The following GLRA1 variants were observed in gnomAD, a reference collection of about 807,000 sequenced individuals.
The protein encoded by GLRA1 is glycine receptor subunit alpha-1.
Under a neutral mutation model 48.3 loss-of-function variants are expected in GLRA1, and 37 were observed. The observed-to-expected ratio is 0.77, with a 90% CI of 0.59 to 1.01. The LOEUF is 1.01. Among genes scored for constraint, GLRA1 ranks in the 50% least tolerant of loss-of-function variants. GLRA1 has a pLI of 0.00. For missense variants in GLRA1, 427 were observed against 571.0 expected (o/e 0.75, Z 2.57); for synonymous variants, 196 against 210.7 (o/e 0.93, Z 0.60).
At chr5:151,830,995 A>C (rs1370543443) in intron 7 of GLRA1, among the ~76,000 whole-genome samples, 3 of 152,204 alleles carry the variant, frequency 2.0e-5, no homozygotes, top group Non-Finnish European at 2.9e-5. Flanking sequence ...AGCCCACAGA[A>C]GGTGAGCTGA....
chr5:151,823,699 C>T (rs1235073420), intron 8 of GLRA1, among the ~76,000 whole-genome samples: 1 of 152,212 alleles, frequency 6.6e-6, no homozygotes, highest in Non-Finnish European at 1.5e-5. Context: ...CTCCAACTTA[C>T]CTTTCCAGGC....
chr5:151,836,649 G>T (rs571281990), intron 7 of GLRA1, among the ~76,000 whole-genome samples: 2 of 152,114 alleles, frequency 1.3e-5, no homozygotes, highest in African/African-American at 4.8e-5. Flanking sequence ...CAGAAATAAC[G>T]CCACATAACT....
intron 1 of GLRA1, among the ~76,000 whole-genome samples, chr5:151,909,089 G>T (rs1754546557): frequency 6.6e-6 from 1 of 152,080 alleles, no homozygotes; most frequent in Non-Finnish European, 1.5e-5. Flanking sequence ...AAAGTTTCTG[G>T]CATATAGTAG....
chr5:151,852,253 G>C (rs1267902081), intron 6 of GLRA1, among the ~76,000 whole-genome samples: 1 of 152,012 alleles, frequency 6.6e-6, no homozygotes, highest in Non-Finnish European at 1.5e-5. Context: ...TTTTGATCTT[G>C]CTCATCCCTT....
intron 3 of GLRA1, among the ~76,000 whole-genome samples, chr5:151,861,608 T>A (rs981205919): frequency 6.6e-5 from 10 of 152,036 alleles, no homozygotes; most frequent in Non-Finnish European, 1.3e-4. Context: ...GTTTGAGTTC[T>A]TTGTAGATTC....
At chr5:151,844,619 C>A (rs372816886) in intron 7 of GLRA1, among the ~76,000 whole-genome samples, 1 of 36,350 alleles carries the variant, frequency 2.8e-5, no homozygotes, top group Non-Finnish European at 5.6e-5. Flanking sequence ...AGTACTCTAT[C>A]TCAAAAAAAA....
At chr5:151,921,613 C>T (rs1374775959) in intron 1 of GLRA1, among the ~76,000 whole-genome samples, 2 of 152,168 alleles carry the variant, frequency 1.3e-5, no homozygotes, top group East Asian at 3.9e-4. Flanking sequence ...CTGGGCCTGA[C>T]CCAGCCATAA....
At chr5:151,835,337 A>G (rs1763546053) in intron 7 of GLRA1, among the ~76,000 whole-genome samples, 1 of 152,154 alleles carries the variant, frequency 6.6e-6, no homozygotes, top group Admixed American at 6.5e-5. Flanking sequence ...CAAATTCTAC[A>G]AGAGGTACAA....
At chr5:151,849,636 T>G (rs1185729705) in intron 7 of GLRA1, 1 of 177,500 alleles carries the variant, frequency 5.6e-6, no homozygotes, top group Non-Finnish European at 1.2e-5. Flanking sequence ...CATTGCAACC[T>G]CGGCCTGCCA....
chr5:151,853,904 C>A (rs969418648), intron 6 of GLRA1, among the ~76,000 whole-genome samples: 1 of 151,752 alleles, frequency 6.6e-6, no homozygotes, highest in Non-Finnish European at 1.5e-5. Flanking sequence ...CACACACATA[C>A]ACACACACAC....
chr5:151,910,699 A>G (rs1581662480), intron 1 of GLRA1, among the ~76,000 whole-genome samples: 1 of 152,144 alleles, frequency 6.6e-6, no homozygotes, highest in South Asian at 2.1e-4. Context: ...GTCCTCTCCA[A>G]CCTGCCCATC....
intron 8 of GLRA1, among the ~76,000 whole-genome samples, chr5:151,825,903 A>G (rs1352532747): frequency 6.6e-6 from 1 of 152,222 alleles, no homozygotes; most frequent in Non-Finnish European, 1.5e-5. Flanking sequence ...TTTCTGCAGA[A>G]GAAGCTTGTA....
rs1754979043 is a variant in GLRA1 at position 151,924,709 on chromosome 5, G to A, written c.-160C>T. On this transcript the variant is annotated 5_prime_UTR_variant, in exon 1 of 9. Transcript: ENST00000274576. ...AGGGAGAGCCCCAGGGGAAATTGGA[G>A]CGAGGGGGTCGTAGATACCACGGAC... 1.4e-6 allele frequency: 1 copy of A among 701,910 alleles called. No individual in the cohort carries two copies. Among genetic ancestry groups the A allele is most frequent in the Admixed American group, 2.0e-5 (1 of 50,722 alleles). The allele number at this position is 701,910 out of a possible 1,614,324, so 43.5% of individuals were successfully genotyped here.
intron 3 of GLRA1, among the ~76,000 whole-genome samples, chr5:151,875,911 A>G (rs139750709): frequency 6.6e-6 from 1 of 152,164 alleles, no homozygotes; most frequent in Non-Finnish European, 1.5e-5. Context: ...GGCTGGAAAA[A>G]TTTGGGTGAA....
intron 7 of GLRA1, among the ~76,000 whole-genome samples, chr5:151,838,346 G>A (rs1354305655): frequency 6.6e-6 from 1 of 152,120 alleles, no homozygotes; most frequent in Admixed American, 6.6e-5. Flanking sequence ...GTGCATGCCT[G>A]TAATCCCAGC....
rs1169119477 is a variant in GLRA1, at chr5:151,828,970, C to T, written c.1010G>A (p.Arg337Gln). The T allele has an allele frequency of 2.1e-5, 34 of 1,613,950 alleles. No individual in the cohort carries two copies. Among genetic ancestry groups the T allele is most frequent in the African/African-American group, 4.0e-5 (3 of 74,896 alleles). Residue 337 changes from arginine (R) to glutamine (Q), a missense_variant, in exon 8 of 9, where the codon CGG becomes CAG. Around this residue, in one of 4 missense-constraint regions of GLRA1, gnomAD observed 271 missense variants for 434.9 expected, o/e 0.62. Transcript: ENST00000274576. ...LEYAAVNFVS[R>Q]QHKELLRFRR... ...GAATCGGAGCAGCTCCTTATGTTGC[C>T]GAGACACAAAGTTAACGGCAGCATA...
intron 7 of GLRA1, among the ~76,000 whole-genome samples, chr5:151,836,951 TTAAAC>T (rs1302536548): frequency 6.6e-6 from 1 of 152,032 alleles, no homozygotes; most frequent in Non-Finnish European, 1.5e-5. Context: ...TGGGATCTAA[TTAAAC>T]TAAAGAGCTT....
chr5:151,869,608 G>A (rs772250186), intron 3 of GLRA1, among the ~76,000 whole-genome samples: 4 of 149,468 alleles, frequency 2.7e-5, no homozygotes, highest in Non-Finnish European at 4.4e-5. Flanking sequence ...CCAGCTACCT[G>A]TGAGGCTGAG....
At chr5:151,843,036 C>T (rs931159330) in intron 7 of GLRA1, among the ~76,000 whole-genome samples, 2 of 151,912 alleles carry the variant, frequency 1.3e-5, no homozygotes. Context: ...TATAATTTAA[C>T]AAAATAAGTG....
Sources: gnomAD v4.1 joint callset for allele counts (sites outside exome capture counted in the v4.1 genomes callset) on GRCh38, gnomAD v4.1.1 for gene constraint, gnomAD v4.1.1 regional missense constraint, MANE v1.5 for transcripts, NCBI Gene and HGNC (gene_info 2026-07-23, HGNC 2026-07-21) for gene names.